Variants in NPAS3 observed in about 807,000 individuals in gnomAD.
NPAS3 encodes neuronal PAS domain-containing protein 3.
A neutral mutation model predicts 73.1 loss-of-function variants in NPAS3; 14 were observed. The ratio of observed to expected loss-of-function variants is 0.19; its 90% CI spans 0.13 to 0.30. NPAS3 has a LOEUF of 0.30. NPAS3 is among the 10% of genes least tolerant of loss of function. NPAS3 has a pLI of 1.00. For missense variants in NPAS3, 1,096 were observed against 1,250.0 expected (o/e 0.88, Z 1.86); for synonymous variants, 620 against 541.5 (o/e 1.14, Z -2.01).
At chr14:33,366,516 A>G (rs2045853017) in intron 3 of NPAS3, among the ~76,000 whole-genome samples, 1 of 152,146 alleles carries the variant, frequency 6.6e-6, no homozygotes, top group African/African-American at 2.4e-5. Flanking sequence ...ACTCCAGATA[A>G]GAAACAGTCA....
chr14:33,670,874 G>GAGAA (rs2059592734), intron 5 of NPAS3, among the ~76,000 whole-genome samples: 1 of 144,376 alleles, frequency 6.9e-6, no homozygotes, highest in African/African-American at 2.5e-5. Flanking sequence ...AAGGACTCCT[G>GAGAA]AGAAAGAGAT....
At chr14:33,650,514 G>A (rs2058960969) in intron 5 of NPAS3, among the ~76,000 whole-genome samples, 1 of 152,196 alleles carries the variant, frequency 6.6e-6, no homozygotes, top group Admixed American at 6.5e-5. Flanking sequence ...GCTCTAGTGA[G>A]CTCCGAGCTT....
In NPAS3 at chr14:32,966,686, C is replaced by T. The variant is rs1192631244; in HGVS notation, c.50+27320C>T. ...TGGGGAGGCTGAGGCAGGAGAATGGCGTGAACCCGGGAAGCGGAGCTTGCA... is the reference window on the plus strand; with the variant it reads ...TGGGGAGGCTGAGGCAGGAGAATGGTGTGAACCCGGGAAGCGGAGCTTGCA... On this transcript the variant is annotated intron_variant, in intron 1 of 11. Coordinates refer to ENST00000356141, the Ensembl canonical transcript of NPAS3. Among the ~76,000 whole-genome samples, 13 of 83,432 alleles carry T rather than the reference C, an allele frequency of 1.6e-4. 4 individuals carry two copies. The highest frequency in any genetic ancestry group is 7.1e-4 in the South Asian group (2 of 2,836). The allele number at this position is 83,432 out of a possible 152,430, so 54.7% of individuals were successfully genotyped here. A position where few individuals can be genotyped will look rare whatever the true frequency, so the allele number is the denominator to read the frequency against.
At chr14:33,412,243 C>T (rs916142466) in intron 4 of NPAS3, among the ~76,000 whole-genome samples, 5 of 152,006 alleles carry the variant, frequency 3.3e-5, no homozygotes, top group Non-Finnish European at 7.4e-5. Flanking sequence ...ATCAGCCTCC[C>T]GAGTAGCTGG....
intron 2 of NPAS3, among the ~76,000 whole-genome samples, chr14:33,167,324 C>T (rs1295051394): frequency 6.6e-6 from 1 of 152,074 alleles, no homozygotes; most frequent in Non-Finnish European, 1.5e-5. Context: ...AGAGAGAGGG[C>T]TCCCAGGGCA....
chr14:33,715,190 G>A (rs1351682250), intron 6 of NPAS3, among the ~76,000 whole-genome samples: 1 of 152,136 alleles, frequency 6.6e-6, no homozygotes, highest in East Asian at 1.9e-4. Flanking sequence ...AGTCACCCTG[G>A]AACAGTTTCT....
At chr14:33,395,568 A>T (rs974712101) in intron 4 of NPAS3, among the ~76,000 whole-genome samples, 2 of 152,048 alleles carry the variant, frequency 1.3e-5, no homozygotes, top group African/African-American at 4.8e-5. Flanking sequence ...ATATGCGTGT[A>T]TACATACATA....
At chr14:33,042,138 A>G (rs2040368124) in intron 1 of NPAS3, among the ~76,000 whole-genome samples, 1 of 152,164 alleles carries the variant, frequency 6.6e-6, no homozygotes, top group African/African-American at 2.4e-5. Context: ...CATCCTTTAC[A>G]GGTAAAACTG....
intron 3 of NPAS3, among the ~76,000 whole-genome samples, chr14:33,287,487 G>C (rs776603500): frequency 2.2e-4 from 34 of 152,148 alleles, no homozygotes; most frequent in Non-Finnish European, 4.7e-4. Flanking sequence ...TGGACAGACT[G>C]CCTGGCTGAC....
At chr14:33,302,897 A>C (rs1354682039) in intron 3 of NPAS3, among the ~76,000 whole-genome samples, 1 of 151,108 alleles carries the variant, frequency 6.6e-6, no homozygotes, top group East Asian at 1.9e-4. Context: ...GGAAGTGCCT[A>C]TAAGCCTCTC....
intron 2 of NPAS3, among the ~76,000 whole-genome samples, chr14:33,152,217 G>A (rs2044473587): frequency 6.6e-6 from 1 of 152,082 alleles, no homozygotes; most frequent in African/African-American, 2.4e-5. Flanking sequence ...CCAAGGTTGG[G>A]CAACTCGAGT....
At chr14:32,999,319 G>A (rs988505404) in intron 1 of NPAS3, among the ~76,000 whole-genome samples, 1 of 152,042 alleles carries the variant, frequency 6.6e-6, no homozygotes, top group African/African-American at 2.4e-5. Context: ...AGACCATCCT[G>A]GCTAACACGG....
At chr14:33,716,708 G>A (rs906851123) in intron 6 of NPAS3, among the ~76,000 whole-genome samples, 3 of 151,914 alleles carry the variant, frequency 2.0e-5, no homozygotes, top group Admixed American at 6.6e-5. Flanking sequence ...TGTCATATAA[G>A]CGAATTCTCA....
At chr14:33,287,101 TAGAA>T (rs1409264710) in intron 3 of NPAS3, among the ~76,000 whole-genome samples, 1 of 152,128 alleles carries the variant, frequency 6.6e-6, no homozygotes, top group Non-Finnish European at 1.5e-5. Context: ...TATAGGAATA[TAGAA>T]AGAAAGAAAC....
intron 4 of NPAS3, among the ~76,000 whole-genome samples, chr14:33,390,363 G>T: frequency 6.6e-6 from 1 of 152,186 alleles, no homozygotes; most frequent in South Asian, 2.1e-4. Flanking sequence ...ACAGCAGTCT[G>T]AGAGAAAGGT....
chr14:33,717,097 G>A (rs951000169), intron 6 of NPAS3, among the ~76,000 whole-genome samples: 4 of 150,758 alleles, frequency 2.7e-5, no homozygotes, highest in African/African-American at 9.7e-5. Context: ...GGGAGTTGAT[G>A]TTGTTAGAAG....
intron 4 of NPAS3, among the ~76,000 whole-genome samples, chr14:33,443,154 C>A (rs1332785530): frequency 1.3e-5 from 2 of 152,038 alleles, no homozygotes; most frequent in Non-Finnish European, 2.9e-5. Context: ...ATAGTTATTA[C>A]TCCATTTAAC....
intron 6 of NPAS3, among the ~76,000 whole-genome samples, chr14:33,703,663 A>C (rs557715567): frequency 6.6e-6 from 1 of 152,188 alleles, no homozygotes; most frequent in Non-Finnish European, 1.5e-5. Flanking sequence ...GCAATAATAC[A>C]TGATGATAAA....
At chr14:33,702,483 T>C (rs2060549236) in intron 6 of NPAS3, among the ~76,000 whole-genome samples, 2 of 152,206 alleles carry the variant, frequency 1.3e-5, no homozygotes, top group Non-Finnish European at 1.5e-5. Context: ...TAATAGCTCT[T>C]ACTTATCAAA....
Sources: gnomAD v4.1 joint callset for allele counts (sites outside exome capture counted in the v4.1 genomes callset) on GRCh38, gnomAD v4.1.1 for gene constraint, MANE v1.5 for transcripts, NCBI Gene and HGNC (gene_info 2026-07-23, HGNC 2026-07-21) for gene names.